FAM199X: variants seen among roughly 807,000 people sequenced by gnomAD.
FAM199X encodes the protein family with sequence similarity 199, X-linked.
A neutral mutation model predicts 22.9 loss-of-function variants in FAM199X; 4 were observed. The ratio of observed to expected loss-of-function variants is 0.17; its 90% CI spans 0.09 to 0.40. FAM199X has a LOEUF of 0.40. Among genes scored for constraint, FAM199X ranks in the 10% least tolerant of loss-of-function variants. The pLI is 1.00. For missense variants in FAM199X, 183 were observed against 306.8 expected, an observed-to-expected ratio of 0.60 and a Z score of 3.01; for synonymous variants, 101 against 112.3, an observed-to-expected ratio of 0.90 and a Z score of 0.64.
intron 2 of FAM199X, 108 bp from the exon 3 acceptor site, chrX:104,185,958 G>A (rs1377508898): frequency 1.3e-6 from 1 of 793,945 alleles, no homozygotes; most frequent in African/African-American, 2.1e-5. Flanking sequence ...CAGCACGTCA[G>A]TCTCATAAAC....
At chrX:104,164,564 T>A (rs1250621850), upstream of FAM199X, among the ~76,000 whole-genome samples, 2 of 111,318 alleles carry the variant, frequency 1.8e-5, no homozygotes, top group Non-Finnish European at 3.8e-5. Flanking sequence ...CCACCTCTTA[T>A]AGTATGTGTA....
At chrX:104,177,436 A>G (rs1921519386) in intron 2 of FAM199X, among the ~76,000 whole-genome samples, 1 of 112,047 alleles carries the variant, frequency 8.9e-6, no homozygotes, top group African/African-American at 3.2e-5. Context: ...TTCAGGTTCA[A>G]GTTTCTATGT....
chrX:104,171,126 G>A (rs1556375314), intron 1 of FAM199X, among the ~76,000 whole-genome samples: 3 of 111,705 alleles, frequency 2.7e-5, no homozygotes, highest in African/African-American at 9.8e-5. Flanking sequence ...AAAAGGGGGT[G>A]CAGAGGAATG....
Position 104,188,137 on chromosome X carries a change from G to GCGGTGC in FAM199X, c.829_834dup (p.Gly277_Ala278dup). 1 of 1,211,624 alleles carries GCGGTGC rather than the reference G, an allele frequency of 8.3e-7. No homozygotes were observed. The highest frequency in any genetic ancestry group is 3.0e-5 in the East Asian group (1 of 33,812). On this transcript the variant is annotated inframe_insertion, in exon 5 of 6. Transcript: ENST00000493442. ...AGTTGTGCAAGCACCAGTGGAGTGA[G>GCGGTGC]CGGTGCCAGTGCCAGCGCCAGCAGC... is the stretch of plus-strand genomic sequence containing the variant.
chrX:104,176,130 G>A (rs1184634765), intron 2 of FAM199X, among the ~76,000 whole-genome samples: 2 of 111,489 alleles, frequency 1.8e-5, no homozygotes, highest in African/African-American at 3.3e-5. Flanking sequence ...ATGAATCCAA[G>A]CAAAGTTACA....
Position 104,195,890 on chromosome X carries a change from A to T in FAM199X, c.*6112A>T, listed in dbSNP as rs1922050621. 9.2e-6 allele frequency: 1 copy of T among 109,169 alleles called. No individual in the cohort carries two copies. Among genetic ancestry groups the T allele is most frequent in the Non-Finnish European group, 1.9e-5 (1 of 52,264 alleles). 9.0% of individuals were successfully genotyped at this position (109,169 alleles called of 1,213,427 possible). A position where few individuals can be genotyped will look rare whatever the true frequency, so the allele number is the denominator to read the frequency against. On this transcript the variant is annotated 3_prime_UTR_variant, in exon 6 of 6. Transcript: ENST00000493442. Reference sequence around the variant, plus strand: ...TCAATTTTTAATAAATGTGAGTTAGATACTAAGTGAAATGTGCGTGTGTGT... The same window carrying T: ...TCAATTTTTAATAAATGTGAGTTAGTTACTAAGTGAAATGTGCGTGTGTGT...
intron 1 of FAM199X, among the ~76,000 whole-genome samples, chrX:104,174,022 TC>T (rs1412432972): frequency 8.9e-6 from 1 of 111,877 alleles, no homozygotes; most frequent in African/African-American, 3.2e-5. Context: ...TGCCTGTAAT[TC>T]CAGTGGTTTG....
upstream of FAM199X, among the ~76,000 whole-genome samples, chrX:104,161,904 G>T (rs1421596813): frequency 1.6e-4 from 18 of 111,239 alleles, no homozygotes; most frequent in East Asian, 5.6e-4. Context: ...TGTTATAATC[G>T]TCCCCTTGGT....
At chrX:104,186,764 C>T (rs946346790) in intron 4 of FAM199X, 143 bp downstream of exon 4, 40 of 527,549 alleles carry the variant, frequency 7.6e-5, no homozygotes, top group Non-Finnish European at 1.1e-4. Flanking sequence ...AAAATGATGG[C>T]ACATTGATTT....
chrX:104,168,644 G>A (rs1921274361), intron 1 of FAM199X, among the ~76,000 whole-genome samples: 3 of 111,575 alleles, frequency 2.7e-5, no homozygotes, highest in Middle Eastern at 4.6e-3. Context: ...AGAGGCTGTG[G>A]GTAAGTACTG....
At chrX:104,179,976 CTTTTTTTTT>C (rs1162038054) in intron 2 of FAM199X, among the ~76,000 whole-genome samples, 1 of 86,153 alleles carries the variant, frequency 1.2e-5, no homozygotes, top group East Asian at 3.6e-4. Context: ...TGAATTTTTC[CTTTTTTTTT>C]TTTTTTTTTT....
intron 2 of FAM199X, among the ~76,000 whole-genome samples, chrX:104,176,428 C>T (rs1323584169): frequency 8.9e-6 from 1 of 112,213 alleles, no homozygotes; most frequent in Non-Finnish European, 1.9e-5. Flanking sequence ...TGTGTTATTA[C>T]AACATTCATA....
intron 2 of FAM199X, among the ~76,000 whole-genome samples, chrX:104,185,706 G>A (rs1254955211): frequency 9.0e-6 from 1 of 110,830 alleles, no homozygotes; most frequent in Non-Finnish European, 1.9e-5. Flanking sequence ...CACCTCCCAG[G>A]TTCAAGCGAT....
Position 104,175,724 on chromosome X carries a change from T to C in FAM199X, c.299T>C (p.Leu100Pro). The change falls in exon 2 of 6, where the codon CTG (leucine) becomes CCG (proline). Residue 100 changes from leucine (L) to proline (P), a missense_variant. Transcript: ENST00000493442. ...GGAGATCAAGATGATTGCTATTCCC[T>C]GTTAGATGATCAGGACTTCACTTCT... ...SVGDQDDCYS[L>P]LDDQDFTSFD... is the part of the protein sequence containing the mutation. 8.3e-7 allele frequency: 1 copy of C among 1,210,572 alleles called. No homozygotes were observed. The highest frequency in any genetic ancestry group is 1.1e-6 in the Non-Finnish European group (1 of 894,504).
chrX:104,186,430 T>C, intron 3 of FAM199X, 30 bp from the exon 4 acceptor site: 2 of 1,193,596 alleles, frequency 1.7e-6, no homozygotes, highest in South Asian at 3.7e-5. Context: ...GTTTTAGCAA[T>C]GATCTTATTG....
intron 5 of FAM199X, among the ~76,000 whole-genome samples, chrX:104,188,519 A>G (rs782125484): frequency 6.3e-5 from 7 of 111,368 alleles, no homozygotes; most frequent in South Asian, 3.8e-4. Flanking sequence ...ATTGCATTCA[A>G]TCTTACCTGA....
chrX:104,181,356 A>C (rs1448541972), intron 2 of FAM199X, among the ~76,000 whole-genome samples: 1 of 112,168 alleles, frequency 8.9e-6, no homozygotes, highest in Non-Finnish European at 1.9e-5. Context: ...TGGTCTAATA[A>C]ATATACAGGA....
rs1166770497 is a variant in FAM199X, at chrX:104,193,080, T to TAA, written c.*3304_*3305dup. 9.0e-6 allele frequency: 1 copy of TAA among 111,552 alleles called. No individual in the cohort carries two copies. Among genetic ancestry groups the TAA allele is most frequent in the Non-Finnish European group, 1.9e-5 (1 of 52,907 alleles). The allele number at this position is 111,552 out of a possible 1,213,427, so 9.2% of individuals were successfully genotyped here. A position where few individuals can be genotyped will look rare whatever the true frequency, so the allele number is the denominator to read the frequency against. The stretch of plus-strand genomic sequence containing the variant: ...TTACTCTGTATAGCCTCATGTGCCT[T>TAA]AAAGGTGGTGAACTCTAGTTTTTGT... On this transcript the variant is annotated 3_prime_UTR_variant, in exon 6 of 6. Transcript: ENST00000493442.
At chrX:104,170,274 T>C (rs1346458814) in intron 1 of FAM199X, among the ~76,000 whole-genome samples, 2 of 112,072 alleles carry the variant, frequency 1.8e-5, no homozygotes, top group East Asian at 5.6e-4. Context: ...ACACCCATAG[T>C]TTTCCTATCT....
Sources: gnomAD v4.1 joint callset for allele counts (sites outside exome capture counted in the v4.1 genomes callset) on GRCh38, gnomAD v4.1.1 for gene constraint, MANE v1.5 for transcripts, NCBI Gene and HGNC (gene_info 2026-07-23, HGNC 2026-07-21) for gene names.